The following SLC30A9 variants were observed in gnomAD, a reference collection of about 807,000 sequenced individuals.
The protein encoded by SLC30A9 is solute carrier family 30 member 9, also known as proton-coupled zinc antiporter SLC30A9, mitochondrial.
A neutral mutation model predicts 87.5 loss-of-function variants in SLC30A9; 58 were observed. The ratio of observed to expected loss-of-function variants is 0.66; its 90% CI spans 0.54 to 0.82. The LOEUF (loss-of-function observed/expected upper bound fraction) is 0.82. Ranked by LOEUF, SLC30A9 falls within the 40% of genes least tolerant of loss-of-function variation. The probability of loss-of-function intolerance (pLI) is 0.00; values close to 1 mark genes in which losing one functional copy is unlikely to be tolerated. For synonymous variants in SLC30A9, 234 were observed against 233.0 expected (o/e 1.00, Z -0.04); for missense variants, 557 against 679.1 (o/e 0.82, Z 2.00).
At chr4:42,029,160 C>G (rs191203890) in intron 6 of SLC30A9, 3 of 357,302 alleles carry the variant, frequency 8.4e-6, no homozygotes, top group Non-Finnish European at 1.7e-5. Context: ...GGGCGTGCCC[C>G]GAAGCCACCC....
intron 17 of SLC30A9, among the ~76,000 whole-genome samples, chr4:42,080,734 G>A (rs1413399183): frequency 1.3e-5 from 2 of 152,092 alleles, no homozygotes; most frequent in South Asian, 2.1e-4. Flanking sequence ...ATTCCCTCCC[G>A]GTTATGGAGA....
chr4:42,001,016 A>G (rs1054888400), intron 1 of SLC30A9, among the ~76,000 whole-genome samples: 2 of 152,148 alleles, frequency 1.3e-5, no homozygotes, highest in South Asian at 2.1e-4. Flanking sequence ...TTCCTTCTGT[A>G]TTTGAGCCCT....
rs898585433 is a variant in SLC30A9, at chr4:42,087,085, G to A, written c.*959G>A. On this transcript the variant is annotated 3_prime_UTR_variant, in exon 18 of 18. Coordinates refer to ENST00000264451, the MANE Select transcript of SLC30A9 (RefSeq NM_006345.4). ...GGGATATTTCTTGCTTTAAGAGAGA[G>A]ACAGAATCTCTCACTGAAACTCATG... 2 of 152,156 alleles carry A rather than the reference G, an allele frequency of 1.3e-5. No individual in the cohort carries two copies. The highest frequency in any genetic ancestry group is 2.9e-5 in the Non-Finnish European group (2 of 68,026). 9.4% of individuals were successfully genotyped at this position (152,156 alleles called of 1,614,324 possible). A position where few individuals can be genotyped will look rare whatever the true frequency, so the allele number is the denominator to read the frequency against.
At chr4:42,035,031 T>C (rs1716621844) in intron 6 of SLC30A9, among the ~76,000 whole-genome samples, 1 of 152,190 alleles carries the variant, frequency 6.6e-6, no homozygotes, top group Non-Finnish European at 1.5e-5. Flanking sequence ...CTCTGATGAT[T>C]AGTGATGTTG....
Position 41,994,828 on chromosome 4 carries a change from A to G in SLC30A9, c.109+4068A>G, listed in dbSNP as rs1360983771. Among the ~76,000 whole-genome samples, 3 of 22,136 alleles carry G rather than the reference A, an allele frequency of 1.4e-4. No homozygotes were observed. The Non-Finnish European group carries it at 1.4e-3, about 10-fold the overall frequency. The allele number at this position is 22,136 out of a possible 152,430, so 14.5% of individuals were successfully genotyped here. On this transcript the variant is annotated intron_variant, in intron 1 of 17. Coordinates refer to ENST00000264451, the MANE Select transcript of SLC30A9 (RefSeq NM_006345.4). ...GCTTGAACCCGTCAGATGTGGTCTCAAAAAAAAAAAAAAAAAAAGACCATT... is the reference window on the plus strand; with the variant it reads ...GCTTGAACCCGTCAGATGTGGTCTCGAAAAAAAAAAAAAAAAAAGACCATT...
At chr4:42,082,775 G>A (rs1718788410) in intron 17 of SLC30A9, among the ~76,000 whole-genome samples, 1 of 151,650 alleles carries the variant, frequency 6.6e-6, no homozygotes, top group Non-Finnish European at 1.5e-5. Context: ...TTGAACCTGG[G>A]AGGTGGAGGT....
intron 2 of SLC30A9, among the ~76,000 whole-genome samples, chr4:42,014,958 G>A (rs575405777): frequency 3.3e-5 from 5 of 152,286 alleles, no homozygotes; most frequent in African/African-American, 9.6e-5. Context: ...CAAAACTGCA[G>A]TTAGATAGAA....
At chr4:42,053,158 CA>C (rs994959543) in intron 9 of SLC30A9, among the ~76,000 whole-genome samples, 1 of 152,190 alleles carries the variant, frequency 6.6e-6, no homozygotes, top group Non-Finnish European at 1.5e-5. Context: ...ATTAATACCA[CA>C]AGACATCTCT....
chr4:42,039,186 A>G (rs1301802533), intron 8 of SLC30A9, 133 bp downstream of exon 8: 36 of 661,016 alleles, frequency 5.4e-5, no homozygotes, highest in Middle Eastern at 8.3e-4. Flanking sequence ...AGGAAATTGA[A>G]TAAGTCTTTA....
chr4:42,069,242 C>T (rs1480586892), intron 14 of SLC30A9, among the ~76,000 whole-genome samples: 1 of 152,072 alleles, frequency 6.6e-6, no homozygotes, highest in African/African-American at 2.4e-5. Flanking sequence ...AGAAACCAAT[C>T]AAATCAAATT....
At chr4:42,021,952 G>A (rs1252511752) in intron 4 of SLC30A9, among the ~76,000 whole-genome samples, 1 of 53,304 alleles carries the variant, frequency 1.9e-5, no homozygotes, top group African/African-American at 4.1e-5. Context: ...TTTTTGAGAC[G>A]GAGTCTCGCT....
At chr4:42,001,902 G>T in intron 2 of SLC30A9, 122 bp downstream of exon 2, 2 of 605,042 alleles carry the variant, frequency 3.3e-6, no homozygotes, top group Non-Finnish European at 5.5e-6. Context: ...TGTTTTCTTT[G>T]TGGGAACTAT....
intron 2 of SLC30A9, among the ~76,000 whole-genome samples, chr4:42,004,157 C>T (rs1458705967): frequency 6.6e-6 from 1 of 152,134 alleles, no homozygotes; most frequent in Admixed American, 6.5e-5. Flanking sequence ...TTGGCTTCCA[C>T]TAATTGTTGA....
intron 3 of SLC30A9, among the ~76,000 whole-genome samples, chr4:42,019,619 C>T (rs954827453): frequency 3.3e-5 from 5 of 151,902 alleles, no homozygotes; most frequent in African/African-American, 1.2e-4. Flanking sequence ...ATAAGAAATA[C>T]TAATTAGCAA....
chr4:42,062,708 C>T (rs1717912797), intron 10 of SLC30A9, among the ~76,000 whole-genome samples: 1 of 152,142 alleles, frequency 6.6e-6, no homozygotes, highest in Admixed American at 6.5e-5. Flanking sequence ...ATCTGTGGTA[C>T]ATAATAGTAA....
Position 42,014,504 on chromosome 4 carries a change from CT to C in SLC30A9, c.275-3606del, listed in dbSNP as rs1282845840. 4.2e-4 allele frequency among the ~76,000 whole-genome samples: 63 copies of C among 150,760 alleles called. No individual in the cohort carries two copies. The South Asian group carries it at 5.7e-3, about 14-fold the overall frequency. On this transcript the variant is annotated intron_variant, in intron 2 of 17. Coordinates refer to ENST00000264451, the MANE Select transcript of SLC30A9 (RefSeq NM_006345.4). ...CCCAGGAGGCGGAGGTTGCAGTGAGCTGAGATCGTGCTGCTGCACTCCAGCC... is the reference window on the plus strand; with the variant it reads ...CCCAGGAGGCGGAGGTTGCAGTGAGCGAGATCGTGCTGCTGCACTCCAGCC...
chr4:42,076,941 G>A (rs1192465773), intron 16 of SLC30A9, among the ~76,000 whole-genome samples: 8 of 133,880 alleles, frequency 6.0e-5, no homozygotes, highest in African/African-American at 1.1e-4. Flanking sequence ...CAGCCTGGGC[G>A]ACAGAGCGAG....
chr4:42,023,519 T>C, intron 6 of SLC30A9, 135 bp downstream of exon 6: 1 of 584,662 alleles, frequency 1.7e-6, no homozygotes, highest in Non-Finnish European at 3.1e-6. Flanking sequence ...TAGTTTCCGT[T>C]TTGGGATTCA....
intron 2 of SLC30A9, among the ~76,000 whole-genome samples, chr4:42,002,426 C>T (rs1466419892): frequency 6.6e-6 from 1 of 151,896 alleles, no homozygotes; most frequent in African/African-American, 2.4e-5. Context: ...TGCCCTCTCT[C>T]TCTCTCCCTC....
Sources: allele counts gnomAD v4.1 joint callset (sites outside exome capture counted in the v4.1 genomes callset), GRCh38; gene constraint gnomAD v4.1.1; transcripts MANE v1.5; gene names NCBI Gene and HGNC (gene_info 2026-07-23, HGNC 2026-07-21).